The following AGMO variants were observed in gnomAD, a reference collection of about 807,000 sequenced individuals.
AGMO encodes glyceryl-ether monooxygenase.
Under a neutral mutation model 60.2 loss-of-function variants are expected in AGMO, and 75 were observed. The ratio of observed to expected loss-of-function variants is 1.25; its 90% confidence interval spans 1.03 to 1.51. The LOEUF (loss-of-function observed/expected upper bound fraction) is 1.51, where lower values mean the gene tolerates loss of function less well. Ranked by LOEUF, AGMO falls within the 40% of genes most tolerant of loss-of-function variation. AGMO has a pLI of 0.00. For missense variants in AGMO, 763 were observed against 525.5 expected (o/e 1.45, Z -4.42); for synonymous variants, 261 against 177.1 (o/e 1.47, Z -3.76).
intron 3 of AGMO, among the ~76,000 whole-genome samples, chr7:15,524,655 G>T (rs1784077823): frequency 6.6e-6 from 1 of 151,968 alleles, no homozygotes; most frequent in Non-Finnish European, 1.5e-5. Flanking sequence ...CTAAGGTTGG[G>T]AGTTTGAGAC....
the AGMO span, among the ~76,000 whole-genome samples, chr7:15,170,615 T>C: frequency 6.6e-6 from 1 of 152,218 alleles, no homozygotes; most frequent in East Asian, 1.9e-4. Context: ...AAAGATAGTA[T>C]AGAGTATTTC....
At position 15,365,544 on chromosome 7, in the gene AGMO, A is replaced by G. The variant is rs760163575; in HGVS notation, c.1233T>C (p.Pro411=). Residue 411 remains proline (P), a synonymous_variant, in exon 12 of 13, where the codon CCT becomes CCC. Coordinates refer to ENST00000342526, the MANE Select transcript of AGMO (RefSeq NM_001004320.2). ...AAGCAGATGACAATGAAGGGACAAG[A>G]GGCTTCAGGTGACCAAATCGGTACA... ...LMLYRFGHLK[P]LVPSLSSAFE... is the part of the protein sequence containing the mutation. 1.9e-6 allele frequency: 3 copies of G among 1,612,842 alleles called. No individual in the cohort carries two copies. The highest frequency in any genetic ancestry group is 2.2e-5 in the East Asian group (1 of 44,832).
downstream of AGMO, among the ~76,000 whole-genome samples, chr7:15,199,908 A>G (rs1261712581): frequency 6.6e-6 from 1 of 152,186 alleles, no homozygotes; most frequent in Non-Finnish European, 1.5e-5. Context: ...CAGTTTGAAA[A>G]CTAAATATGC....
At chr7:15,334,402 T>C (rs1375315716) in intron 12 of AGMO, among the ~76,000 whole-genome samples, 1 of 152,034 alleles carries the variant, frequency 6.6e-6, no homozygotes, top group Non-Finnish European at 1.5e-5. Context: ...ATTTAAAAAA[T>C]TAAGTCGCTT....
At chr7:15,247,471 G>GAGAGAGAGAGAA (rs1264295132) in intron 12 of AGMO, among the ~76,000 whole-genome samples, 3 of 146,422 alleles carry the variant, frequency 2.0e-5, no homozygotes, top group Non-Finnish European at 4.5e-5. Context: ...GAGAGAGAGA[G>GAGAGAGAGAGAA]AGAGAGAGGG....
intron 3 of AGMO, among the ~76,000 whole-genome samples, chr7:15,441,066 A>G (rs1413313992): frequency 6.6e-6 from 1 of 152,196 alleles, no homozygotes; most frequent in Non-Finnish European, 1.5e-5. Context: ...TGACATGCAT[A>G]AAGAGCTTTT....
chr7:15,160,450 C>T, the AGMO span, among the ~76,000 whole-genome samples: 103 of 152,098 alleles, frequency 6.8e-4, no homozygotes, highest in African/African-American at 2.2e-3. Context: ...ATATTATTAA[C>T]GAGAACTGTA....
chr7:15,364,066 T>C lies in AGMO; in HGVS notation c.1263+1448A>G, dbSNP rs1380529357. 2.6e-5 allele frequency among the ~76,000 whole-genome samples: 4 copies of C among 151,970 alleles called. No individual in the cohort carries two copies. The East Asian group carries it at 7.7e-4, about 29-fold the overall frequency. On this transcript the variant is annotated intron_variant, in intron 12 of 12. Coordinates refer to ENST00000342526, the MANE Select transcript of AGMO (RefSeq NM_001004320.2). Reference sequence around the variant, plus strand: ...AACTGTAATGCAGAATATATTAAATTAGATGATATCCAAGATCCTGATACT... The same window carrying C: ...AACTGTAATGCAGAATATATTAAATCAGATGATATCCAAGATCCTGATACT...
intron 10 of AGMO, among the ~76,000 whole-genome samples, chr7:15,373,055 G>C (rs1783281111): frequency 6.6e-6 from 1 of 152,136 alleles, no homozygotes; most frequent in Non-Finnish European, 1.5e-5. Flanking sequence ...CTTGAGGCCA[G>C]GAGTTCGAGA....
At chr7:15,340,260 A>C (rs549613486) in intron 12 of AGMO, among the ~76,000 whole-genome samples, 1 of 149,878 alleles carries the variant, frequency 6.7e-6, no homozygotes, top group South Asian at 2.1e-4. Context: ...GACCCATCAC[A>C]TGTCACATGA....
chr7:15,409,033 T>C (rs1454731908), intron 5 of AGMO, among the ~76,000 whole-genome samples: 1 of 151,892 alleles, frequency 6.6e-6, no homozygotes, highest in East Asian at 1.9e-4. Context: ...GGTCCAGTAT[T>C]ATTGAGCTGC....
chr7:15,554,307 T>C (rs1785066607), intron 2 of AGMO, among the ~76,000 whole-genome samples: 1 of 152,062 alleles, frequency 6.6e-6, no homozygotes, highest in African/African-American at 2.4e-5. Context: ...ATAAAATATG[T>C]ACGTATATAG....
intron 12 of AGMO, among the ~76,000 whole-genome samples, chr7:15,263,422 G>C (rs1377303921): frequency 1.3e-5 from 2 of 148,734 alleles, no homozygotes; most frequent in Non-Finnish European, 1.5e-5. Context: ...AAAAAAAATA[G>C]ATATTGGCAT....
chr7:15,179,888 C>G, the AGMO span, among the ~76,000 whole-genome samples: 4 of 152,198 alleles, frequency 2.6e-5, no homozygotes, highest in Admixed American at 2.6e-4. Flanking sequence ...AAGCCACACT[C>G]AAGTTCACTT....
the AGMO span, among the ~76,000 whole-genome samples, chr7:15,179,190 C>CA: frequency 3.3e-5 from 5 of 152,182 alleles, no homozygotes; most frequent in South Asian, 4.1e-4. Flanking sequence ...GGGGCCATAA[C>CA]ATCAGTCGGG....
chr7:15,416,098 A>G (rs1780761791), intron 5 of AGMO, among the ~76,000 whole-genome samples: 2 of 142,092 alleles, frequency 1.4e-5, no homozygotes, highest in African/African-American at 5.3e-5. Flanking sequence ...CAGTGGCATG[A>G]TCTTGGCTCA....
chr7:15,382,494 C>T (rs193090803), intron 10 of AGMO, among the ~76,000 whole-genome samples: 4 of 152,148 alleles, frequency 2.6e-5, no homozygotes, highest in East Asian at 1.9e-4. Flanking sequence ...AAAGGAAGTT[C>T]GCTCAGAAGA....
At position 15,214,953 on chromosome 7, in the gene AGMO, C is replaced by T. The variant is rs533235480; in HGVS notation, c.1264-13594G>A. ...TATCTCTTGCTATTTCTAAGTGCATCTTTGACAGCAGTGATCCTATAAGAG... is the reference window on the plus strand; with the variant it reads ...TATCTCTTGCTATTTCTAAGTGCATTTTTGACAGCAGTGATCCTATAAGAG... On this transcript the variant is annotated intron_variant, in intron 12 of 12. Transcript: ENST00000342526. Among the ~76,000 whole-genome samples the T allele has an allele frequency of 4.9e-3, 738 of 152,126 alleles. 5 individuals carry two copies. The highest frequency in any genetic ancestry group is 0.017 in the African/African-American group (689 of 41,528).
chr7:15,259,194 A>C (rs1238198774), intron 12 of AGMO, among the ~76,000 whole-genome samples: 1 of 152,062 alleles, frequency 6.6e-6, no homozygotes, highest in Non-Finnish European at 1.5e-5. Flanking sequence ...TCAGTGAAAT[A>C]GATAGCATAA....
Sources: allele counts gnomAD v4.1 joint callset (sites outside exome capture counted in the v4.1 genomes callset), GRCh38; gene constraint gnomAD v4.1.1; transcripts MANE v1.5; gene names NCBI Gene and HGNC (gene_info 2026-07-23, HGNC 2026-07-21).